MACROD1: variants seen among roughly 807,000 people sequenced by gnomAD.
MACROD1 encodes the protein ADP-ribose glycohydrolase MACROD1.
Under a neutral mutation model 41.4 loss-of-function variants are expected in MACROD1, and 31 were observed. The observed-to-expected ratio is 0.75, with a 90% confidence interval of 0.56 to 1.01. The LOEUF (loss-of-function observed/expected upper bound fraction) is 1.01, where lower values mean the gene tolerates loss of function less well. Ranked by LOEUF, MACROD1 falls within the 50% of genes least tolerant of loss-of-function variation. The pLI is 0.00. For synonymous variants in MACROD1, 252 were observed against 203.4 expected (o/e 1.24, Z -2.03); for missense variants, 473 against 460.0 (o/e 1.03, Z -0.26).
At chr11:63,998,815 G>A in intron 10 of MACROD1, 23 bp downstream of exon 10, 5 of 1,510,790 alleles carry the variant, frequency 3.3e-6, no homozygotes, top group Non-Finnish European at 4.4e-6. Context: ...CGGGGCCGCC[G>A]CACGGGGCGA....
chr11:64,135,024 C>T (rs1404143555), intron 3 of MACROD1, among the ~76,000 whole-genome samples: 1 of 152,186 alleles, frequency 6.6e-6, no homozygotes, highest in Non-Finnish European at 1.5e-5. Context: ...GCCAACTCTG[C>T]CAGAAGATGA....
At chr11:64,056,147 C>T (rs562664) in intron 3 of MACROD1, among the ~76,000 whole-genome samples, 22,413 of 152,172 alleles carry the variant, frequency 0.15, 1,990 homozygotes, top group Non-Finnish European at 0.2. Context: ...TTGGGACCCC[C>T]GCCCACTTTG....
chr11:64,078,870 G>C (rs1944252405), intron 3 of MACROD1, among the ~76,000 whole-genome samples: 1 of 152,230 alleles, frequency 6.6e-6, no homozygotes, highest in Non-Finnish European at 1.5e-5. Context: ...TGTCTCGGCA[G>C]AGGGGACAGC....
chr11:64,113,360 T>TGATGGATG (rs1191481891), intron 3 of MACROD1, among the ~76,000 whole-genome samples: 18 of 152,078 alleles, frequency 1.2e-4, no homozygotes, highest in Non-Finnish European at 2.5e-4. Flanking sequence ...GTTGGATGCA[T>TGATGGATG]GATGGATGGA....
chr11:64,138,283 C>G (rs1437554507), intron 3 of MACROD1, among the ~76,000 whole-genome samples: 1 of 152,214 alleles, frequency 6.6e-6, no homozygotes, highest in African/African-American at 2.4e-5. Flanking sequence ...ACCCACAGAA[C>G]CCCCTCCCCG....
chr11:64,034,811 G>A (rs1943343521), intron 3 of MACROD1, among the ~76,000 whole-genome samples: 1 of 152,216 alleles, frequency 6.6e-6, no homozygotes, highest in African/African-American at 2.4e-5. Flanking sequence ...CCTGGTGGGG[G>A]CTCTGGGCAG....
chr11:64,015,286 A>AAG lies in MACROD1; in HGVS notation c.518-7_518-6dup, dbSNP rs751419911. ...CTCCGAGCAGGGAGCTGTTGGCTGCAAGAGAGAGAGACAAAGGCAGATCAG... is the reference window on the plus strand; with the variant it reads ...CTCCGAGCAGGGAGCTGTTGGCTGCAAGAGAGAGAGAGACAAAGGCAGATCAG... On this transcript the variant is annotated splice_polypyrimidine_tract_variant and splice_region_variant and intron_variant, in intron 3 of 10. Transcript: ENST00000255681. The AAG allele has an allele frequency of 1.3e-4, 201 of 1,605,772 alleles. No homozygotes were observed. The highest frequency in any genetic ancestry group is 4.9e-4 in the Admixed American group (29 of 59,064).
rs2086202098 is a variant in MACROD1 at position 64,064,741 on chromosome 11, C to T, written c.518-49460G>A. Among the ~76,000 whole-genome samples the T allele has an allele frequency of 6.6e-6, 1 of 151,248 alleles. No individual in the cohort carries two copies. Among genetic ancestry groups the T allele is most frequent in the South Asian group, 2.1e-4 (1 of 4,714 alleles). ...CCCTCCCTGCCAGCCCCCCAGCAGG[C>T]AGCCAGGCCTGGACCCACCATCCAG... On this transcript the variant is annotated intron_variant, in intron 3 of 10. Transcript: ENST00000255681. The surrounding 1 kb of genome is among the most constrained non-coding windows in gnomAD (Gnocchi z 4.5).
intron 8 of MACROD1, 112 bp downstream of exon 8, chr11:63,999,219 G>T: frequency 7.1e-7 from 1 of 1,416,082 alleles, no homozygotes; most frequent in Non-Finnish European, 9.6e-7. Context: ...AAACAGGGAA[G>T]GAAGGGGCGG....
At chr11:64,161,832 G>A (rs1320110315) in intron 1 of MACROD1, among the ~76,000 whole-genome samples, 1 of 101,488 alleles carries the variant, frequency 9.9e-6, no homozygotes, top group African/African-American at 4.0e-5. Context: ...CACTTTGGGA[G>A]GCCGAGGTGG....
chr11:64,160,310 C>G (rs1048217046), intron 1 of MACROD1, among the ~76,000 whole-genome samples: 3 of 152,174 alleles, frequency 2.0e-5, no homozygotes, highest in Non-Finnish European at 2.9e-5. Context: ...CTCAGGCACA[C>G]CTGAGTTTTC....
chr11:64,109,655 C>T (rs1944825266), intron 3 of MACROD1, among the ~76,000 whole-genome samples: 1 of 152,150 alleles, frequency 6.6e-6, no homozygotes. Flanking sequence ...CTCCACCCTG[C>T]CCCCAGCCTG....
chr11:64,078,102 C>G (rs1944236916), intron 3 of MACROD1, among the ~76,000 whole-genome samples: 1 of 152,218 alleles, frequency 6.6e-6, no homozygotes, highest in Non-Finnish European at 1.5e-5. Context: ...CCCTGCGCAC[C>G]TGCCGGCTTG....
chr11:64,007,438 A>C (rs572097594), intron 4 of MACROD1, among the ~76,000 whole-genome samples: 1 of 152,188 alleles, frequency 6.6e-6, no homozygotes, highest in South Asian at 2.1e-4. Context: ...CTTTGGAAGG[A>C]GATGGGGAGG....
chr11:64,161,743 G>A (rs11231711), intron 1 of MACROD1, among the ~76,000 whole-genome samples: 13,015 of 152,158 alleles, frequency 0.086, 1,179 homozygotes, highest in East Asian at 0.54. Context: ...AGACCAGCCT[G>A]GGTAACATGG....
rs570268709 is a variant in MACROD1, at chr11:64,122,127, A to T, written c.517+29112T>A. Reference sequence around the variant, plus strand: ...AATGCTTAAGAGATTACTAAAAATAAAATCTATTAATTAGTCATACTCAAT... The same window carrying T: ...AATGCTTAAGAGATTACTAAAAATATAATCTATTAATTAGTCATACTCAAT... On this transcript the variant is annotated intron_variant, in intron 3 of 10. Transcript: ENST00000255681. This position sits in a 1 kb window ranked among gnomAD's most constrained non-coding sequence, Gnocchi z 4.0. Among the ~76,000 whole-genome samples the T allele has an allele frequency of 6.6e-6, 1 of 152,334 alleles. No individual in the cohort carries two copies. The highest frequency in any genetic ancestry group is 1.9e-4 in the East Asian group (1 of 5,180).
chr11:64,004,635 T>TG (rs1942880749), intron 4 of MACROD1, among the ~76,000 whole-genome samples: 1 of 152,100 alleles, frequency 6.6e-6, no homozygotes, highest in African/African-American at 2.4e-5. Flanking sequence ...TACCATCCCG[T>TG]GGGGCTGGCC....
intron 3 of MACROD1, among the ~76,000 whole-genome samples, chr11:64,070,697 A>T (rs1406317182): frequency 1.3e-5 from 2 of 152,338 alleles, no homozygotes; most frequent in Non-Finnish European, 2.9e-5. Context: ...AGGACTTTGA[A>T]AAATAAAAAA....
intron 3 of MACROD1, among the ~76,000 whole-genome samples, chr11:64,034,752 T>C (rs958470185): frequency 2.9e-4 from 44 of 151,862 alleles, no homozygotes; most frequent in Admixed American, 6.6e-4. Context: ...GCAGAGGGGG[T>C]CCCAGCCAGA....
Sources: allele counts gnomAD v4.1 joint callset (sites outside exome capture counted in the v4.1 genomes callset), GRCh38; gene constraint gnomAD v4.1.1; non-coding constraint Gnocchi (gnomAD v3.1); transcripts MANE v1.5; gene names NCBI Gene and HGNC (gene_info 2026-07-23, HGNC 2026-07-21).